Variants in HFM1 observed in about 807,000 individuals in gnomAD.
The protein encoded by HFM1 is helicase for meiosis 1.
A neutral mutation model predicts 192.1 loss-of-function variants in HFM1; 169 were observed. That is an observed-to-expected ratio of 0.88 (90% CI 0.78 to 1.00). The LOEUF (loss-of-function observed/expected upper bound fraction) is 1.00, where lower values mean the gene tolerates loss of function less well. Ranked by LOEUF, HFM1 falls within the 50% of genes least tolerant of loss-of-function variation. The pLI is 0.00. For missense variants in HFM1, 1,661 were observed against 1,668.0 expected, an observed-to-expected ratio of 1.00 and a Z score of 0.07; for synonymous variants, 525 against 537.8, an observed-to-expected ratio of 0.98 and a Z score of 0.33.
Position 91,262,522 on chromosome 1 carries a change from A to C in HFM1, c.4045T>G (p.Ser1349Ala). The change falls in exon 37 of 39, where the codon TCC becomes GCC. Residue 1349 changes from serine to alanine, a missense_variant. Ser to Ala is a moderately conservative substitution (Grantham distance 99). Coordinates refer to ENST00000370425, the MANE Select transcript of HFM1 (RefSeq NM_001017975.6). ...NSAMPKFSAS[S>A]MTKLPQQAGN... ...GCTTGTTGAGGTAATTTTGTCATGG[A>C]GGATGCACTGAACTTGGGCATAGCA... 6.2e-7 allele frequency: 1 copy of C among 1,607,838 alleles called. No individual in the cohort carries two copies. The highest frequency in any genetic ancestry group is 8.5e-7 in the Non-Finnish European group (1 of 1,175,386).
intron 32 of HFM1, 99 bp downstream of exon 32, chr1:91,276,529 T>C: frequency 2.1e-6 from 1 of 472,576 alleles, no homozygotes; most frequent in East Asian, 3.5e-5. Context: ...CCACAAGTAA[T>C]TCTATAGTAC....
chr1:91,288,483 T>A (rs1098468), intron 30 of HFM1, among the ~76,000 whole-genome samples: 84,820 of 150,860 alleles, frequency 0.56, 24,868 homozygotes, highest in African/African-American at 0.73. Context: ...CAGATAAACA[T>A]GTGAACAAAG....
intron 13 of HFM1, among the ~76,000 whole-genome samples, chr1:91,360,962 A>T (rs1658415296): frequency 6.6e-6 from 1 of 152,196 alleles, no homozygotes; most frequent in African/African-American, 2.4e-5. Context: ...AAATAATGAA[A>T]TTAAGGCAGA....
chr1:91,395,634 T>A (rs1258698325), intron 3 of HFM1, among the ~76,000 whole-genome samples: 1 of 152,014 alleles, frequency 6.6e-6, no homozygotes, highest in African/African-American at 2.4e-5. Context: ...CTCTTTTTAA[T>A]AAAAGAAGGA....
chr1:91,351,915 T>G (rs1656985868), intron 16 of HFM1, among the ~76,000 whole-genome samples: 1 of 151,986 alleles, frequency 6.6e-6, no homozygotes, highest in Admixed American at 6.6e-5. Flanking sequence ...ATAAAAGTTG[T>G]AAGATTTGGT....
chr1:91,399,304 G>C (rs1258423026), intron 2 of HFM1, among the ~76,000 whole-genome samples: 3 of 152,012 alleles, frequency 2.0e-5, no homozygotes, highest in Non-Finnish European at 4.4e-5. Flanking sequence ...AGATAATAGA[G>C]AGAAACAGAT....
intron 4 of HFM1, among the ~76,000 whole-genome samples, chr1:91,393,406 C>T (rs938277364): frequency 6.6e-6 from 1 of 152,218 alleles, no homozygotes; most frequent in Non-Finnish European, 1.5e-5. Flanking sequence ...TATCTAAAAT[C>T]AACATGTCCA....
At chr1:91,311,932 G>A (rs1650522030) in intron 30 of HFM1, among the ~76,000 whole-genome samples, 1 of 152,184 alleles carries the variant, frequency 6.6e-6, no homozygotes, top group Non-Finnish European at 1.5e-5. Context: ...AGCCATGGCT[G>A]AAAGGGGTCA....
In HFM1 at chr1:91,262,227, T is replaced by C. The variant is rs1408994907; in HGVS notation, c.4238+14A>G. ...TATTGATATAATCTTAAAGTGTCTT[T>C]AAAGAGTTCTTACCTGAAATCAACT... On this transcript the variant is annotated intron_variant, in intron 38 of 38. Coordinates refer to ENST00000370425, the MANE Select transcript of HFM1 (RefSeq NM_001017975.6). 1.6e-6 allele frequency: 2 copies of C among 1,225,282 alleles called. No individual in the cohort carries two copies. The highest frequency in any genetic ancestry group is 3.0e-5 in the African/African-American group (2 of 65,954). 75.9% of individuals were successfully genotyped at this position (1,225,282 alleles called of 1,614,324 possible).
chr1:91,275,896 T>C (rs932122323), intron 32 of HFM1, among the ~76,000 whole-genome samples: 2 of 152,188 alleles, frequency 1.3e-5, no homozygotes, highest in African/African-American at 4.8e-5. Flanking sequence ...TTAAAATCTT[T>C]CATTGGCTTC....
intron 4 of HFM1, among the ~76,000 whole-genome samples, chr1:91,387,936 A>T (rs1364079919): frequency 1.3e-5 from 2 of 151,394 alleles, no homozygotes; most frequent in Non-Finnish European, 2.9e-5. Context: ...AAAATTAAAA[A>T]AAAAAAAAAA....
chr1:91,337,274 A>G (rs1032314174), intron 20 of HFM1, among the ~76,000 whole-genome samples: 1 of 152,192 alleles, frequency 6.6e-6, no homozygotes, highest in African/African-American at 2.4e-5. Context: ...CTCAGTACAC[A>G]TTATCTGGCA....
intron 13 of HFM1, among the ~76,000 whole-genome samples, chr1:91,367,044 G>A (rs980719421): frequency 2.6e-5 from 4 of 152,222 alleles, no homozygotes; most frequent in African/African-American, 9.6e-5. Flanking sequence ...CTGCAAGGCG[G>A]CAGTGAGGCT....
intron 30 of HFM1, among the ~76,000 whole-genome samples, chr1:91,303,824 A>G (rs551342963): frequency 2.8e-4 from 43 of 152,256 alleles, no homozygotes; most frequent in African/African-American, 9.4e-4. Context: ...GAAAATGTCT[A>G]TGCAGATCCC....
intron 36 of HFM1, 63 bp downstream of exon 36, chr1:91,265,954 T>A: frequency 1.3e-6 from 2 of 1,560,226 alleles, no homozygotes; most frequent in Non-Finnish European, 1.7e-6. Context: ...GATCCCCATC[T>A]CCAACTATGT....
chr1:91,395,929 A>T (rs746188321), intron 3 of HFM1, among the ~76,000 whole-genome samples: 21 of 151,756 alleles, frequency 1.4e-4, no homozygotes, highest in Non-Finnish European at 3.1e-4. Context: ...GCTAACTGCA[A>T]CCTCTGCCTC....
chr1:91,274,033 C>T (rs1447681357), intron 33 of HFM1, among the ~76,000 whole-genome samples: 1 of 152,042 alleles, frequency 6.6e-6, no homozygotes, highest in Admixed American at 6.6e-5. Flanking sequence ...GCCAGGATCT[C>T]TAGAAGTACT....
chr1:91,347,938 A>C (rs1656361809), intron 18 of HFM1, among the ~76,000 whole-genome samples: 2 of 152,138 alleles, frequency 1.3e-5, no homozygotes, highest in Non-Finnish European at 2.9e-5. Context: ...AAAATTAATA[A>C]TTTCCTTTCA....
Position 91,276,963 on chromosome 1 carries a change from C to G in HFM1, c.3472+19G>C. 2.0e-6 allele frequency: 3 copies of G among 1,464,098 alleles called. No homozygotes were observed. The highest frequency in any genetic ancestry group is 2.8e-6 in the Non-Finnish European group (3 of 1,068,430). 90.7% of individuals were successfully genotyped at this position (1,464,098 alleles called of 1,614,324 possible). A position where few individuals can be genotyped will look rare whatever the true frequency, so the allele number is the denominator to read the frequency against. On this transcript the variant is annotated intron_variant, in intron 31 of 38. Coordinates refer to ENST00000370425, the MANE Select transcript of HFM1 (RefSeq NM_001017975.6). ...TTCAATTTTGAACACTTTAAATAAA[C>G]TTGTTTTAAGGAACTCACAGCAGTC...
Sources: allele counts gnomAD v4.1 joint callset (sites outside exome capture counted in the v4.1 genomes callset), GRCh38; gene constraint gnomAD v4.1.1; transcripts MANE v1.5; gene names NCBI Gene and HGNC (gene_info 2026-07-23, HGNC 2026-07-21).